The following TSHZ2 variants were observed in gnomAD, a reference collection of about 807,000 sequenced individuals.
TSHZ2 encodes teashirt homolog 2.
A neutral mutation model predicts 74.4 loss-of-function variants in TSHZ2; 21 were observed. The ratio of observed to expected loss-of-function variants is 0.28; its 90% confidence interval spans 0.20 to 0.41. The LOEUF (loss-of-function observed/expected upper bound fraction) is 0.41, where lower values mean the gene tolerates loss of function less well. Ranked by LOEUF, TSHZ2 falls within the 10% of genes least tolerant of loss-of-function variation. The pLI is 1.00. For missense variants in TSHZ2, 1,244 were observed against 1,293.5 expected (o/e 0.96, Z 0.59); for synonymous variants, 540 against 515.3 (o/e 1.05, Z -0.65).
At chr20:53,404,625 G>T (rs1284336980) in intron 2 of TSHZ2, among the ~76,000 whole-genome samples, 1 of 152,180 alleles carries the variant, frequency 6.6e-6, no homozygotes, top group South Asian at 2.1e-4. Flanking sequence ...CCAGTCAAAT[G>T]CTTCCTAAGC....
chr20:53,409,950 G>A (rs997641974), intron 2 of TSHZ2, among the ~76,000 whole-genome samples: 14 of 136,546 alleles, frequency 1.0e-4, no homozygotes, highest in African/African-American at 3.9e-4. Context: ...GGGTTCAAGA[G>A]ATTATTCTGT....
At chr20:53,419,202 A>G (rs565179065) in intron 2 of TSHZ2, among the ~76,000 whole-genome samples, 1 of 152,318 alleles carries the variant, frequency 6.6e-6, no homozygotes, top group South Asian at 2.1e-4. Flanking sequence ...ACCGCCTCAG[A>G]CACATGGCAG....
At chr20:53,054,944 G>A (rs1012530924) in intron 1 of TSHZ2, among the ~76,000 whole-genome samples, 4 of 152,198 alleles carry the variant, frequency 2.6e-5, no homozygotes, top group African/African-American at 9.6e-5. Context: ...ACTGTCAGGT[G>A]AGAATTGAAG....
intron 1 of TSHZ2, among the ~76,000 whole-genome samples, chr20:53,172,430 T>C (rs1023813074): frequency 1.3e-5 from 2 of 152,232 alleles, no homozygotes; most frequent in Non-Finnish European, 2.9e-5. Context: ...TTTTTAGATT[T>C]AAAATATTTA....
At chr20:53,042,711 A>AC (rs1190249095) in intron 1 of TSHZ2, among the ~76,000 whole-genome samples, 3 of 152,016 alleles carry the variant, frequency 2.0e-5, no homozygotes, top group South Asian at 2.1e-4. Context: ...GAAAAAAAAA[A>AC]AAAAAACACT....
intron 2 of TSHZ2, among the ~76,000 whole-genome samples, chr20:53,322,486 C>G (rs1489908177): frequency 2.0e-5 from 3 of 151,586 alleles, no homozygotes; most frequent in African/African-American, 7.3e-5. Context: ...ACATTCCAGC[C>G]TGGGCAACAG....
At chr20:53,101,445 C>T (rs1272827624) in intron 1 of TSHZ2, among the ~76,000 whole-genome samples, 1 of 152,122 alleles carries the variant, frequency 6.6e-6, no homozygotes, top group Non-Finnish European at 1.5e-5. Context: ...TTTAATATCC[C>T]ACCGTCGTTC....
At chr20:53,082,283 A>C (rs1240882134) in intron 1 of TSHZ2, among the ~76,000 whole-genome samples, 1 of 152,178 alleles carries the variant, frequency 6.6e-6, no homozygotes, top group Non-Finnish European at 1.5e-5. Context: ...CATGTTAATA[A>C]ATTTTTCTCA....
Position 53,489,345 on chromosome 20 carries a change from T to G in TSHZ2, c.*2210T>G. 2 of 373,096 alleles carry G rather than the reference T, an allele frequency of 5.4e-6. No individual in the cohort carries two copies. Among genetic ancestry groups the G allele is most frequent in the South Asian group, 4.0e-5 (2 of 49,418 alleles). The allele number at this position is 373,096 out of a possible 1,614,324, so 23.1% of individuals were successfully genotyped here. A position where few individuals can be genotyped will look rare whatever the true frequency, so the allele number is the denominator to read the frequency against. On this transcript the variant is annotated 3_prime_UTR_variant, in exon 3 of 3. Transcript: ENST00000371497. The stretch of plus-strand genomic sequence containing the variant: ...GGAACAGTCTTCAGATGGGTTAAGA[T>G]TGAAGGGTGGACTGGACTCTACTGA...
intron 1 of TSHZ2, among the ~76,000 whole-genome samples, chr20:53,048,941 G>C (rs1383396449): frequency 2.0e-5 from 3 of 152,230 alleles, no homozygotes; most frequent in Admixed American, 2.0e-4. Context: ...TCACCCAGCT[G>C]GCCAGTAAAC....
In TSHZ2 at chr20:53,429,885, A is replaced by C. The variant is rs535566476; in HGVS notation, c.*9-57259A>C. ...CTGGCACTACTGACGTTGTGAGTTGAATAATTCTCTGGGGTGGGCAGTCCC... is the reference window on the plus strand; with the variant it reads ...CTGGCACTACTGACGTTGTGAGTTGCATAATTCTCTGGGGTGGGCAGTCCC... On this transcript the variant is annotated intron_variant, in intron 2 of 2. Transcript: ENST00000371497. Among the ~76,000 whole-genome samples the C allele has an allele frequency of 1.5e-4, 23 of 152,192 alleles. No individual in the cohort carries two copies. In the South Asian group the frequency reaches 4.8e-3, roughly 32 times the overall value.
At chr20:53,429,790 T>C (rs1983773731) in intron 2 of TSHZ2, among the ~76,000 whole-genome samples, 1 of 150,386 alleles carries the variant, frequency 6.6e-6, no homozygotes, top group South Asian at 2.1e-4. Flanking sequence ...AGCTTTTCTA[T>C]GGTTATGTAT....
intron 2 of TSHZ2, chr20:53,412,552 G>C (rs1244938292): frequency 1.3e-5 from 2 of 152,320 alleles, no homozygotes; most frequent in East Asian, 3.9e-4. Context: ...TGATTTCTGG[G>C]CACTCACGGG....
At chr20:53,309,693 C>T (rs971636670) in intron 2 of TSHZ2, among the ~76,000 whole-genome samples, 2 of 152,208 alleles carry the variant, frequency 1.3e-5, no homozygotes, top group African/African-American at 2.4e-5. Context: ...TCAACTGTGT[C>T]AGCCTGGCTT....
At chr20:53,325,844 C>T (rs573019101) in intron 2 of TSHZ2, among the ~76,000 whole-genome samples, 1 of 152,188 alleles carries the variant, frequency 6.6e-6, no homozygotes, top group Admixed American at 6.5e-5. Context: ...TGCAGTGGCA[C>T]GATCTCGGCT....
At chr20:53,325,868 G>A (rs545077920) in intron 2 of TSHZ2, among the ~76,000 whole-genome samples, 64 of 152,148 alleles carry the variant, frequency 4.2e-4, no homozygotes, top group Admixed American at 9.8e-4. Context: ...TGCAAACTCC[G>A]CCTCCCAGGT....
At position 53,318,080 on chromosome 20, in the gene TSHZ2, G is replaced by A. The variant is rs145030920; in HGVS notation, c.*8+61509G>A. ...AAACAAATGACTAGATGAACAGGTC[G>A]AATGTAATACAAGGAAGAGAAAATA... On this transcript the variant is annotated intron_variant, in intron 2 of 2. Transcript: ENST00000371497. Among the ~76,000 whole-genome samples, 27 of 152,298 alleles carry A rather than the reference G, an allele frequency of 1.8e-4. No homozygotes were observed. In the East Asian group the frequency reaches 2.7e-3, roughly 15 times the overall value.
At chr20:53,050,113 A>ATACACATATATATATACATATATATGTG (rs1984382798) in intron 1 of TSHZ2, among the ~76,000 whole-genome samples, 11 of 97,982 alleles carry the variant, frequency 1.1e-4, no homozygotes, top group African/African-American at 8.0e-4. Flanking sequence ...GTATATATAT[A>ATACACATATATATATACATATATATGTG]TATATATATA....
At chr20:53,245,956 T>C (rs1324351981) in intron 1 of TSHZ2, among the ~76,000 whole-genome samples, 1 of 152,100 alleles carries the variant, frequency 6.6e-6, no homozygotes, top group African/African-American at 2.4e-5. Flanking sequence ...GTCCACACAG[T>C]TGGGCCCAAA....
Sources: allele counts gnomAD v4.1 joint callset (sites outside exome capture counted in the v4.1 genomes callset), GRCh38; gene constraint gnomAD v4.1.1; transcripts MANE v1.5; gene names NCBI Gene and HGNC (gene_info 2026-07-23, HGNC 2026-07-21).